EIPR1: variants seen among roughly 807,000 people sequenced by gnomAD.
EIPR1 encodes the protein EARP complex and GARP complex interacting protein 1.
A neutral mutation model predicts 48.1 loss-of-function variants in EIPR1; 25 were observed. The observed-to-expected ratio is 0.52, with a 90% CI of 0.38 to 0.73. The LOEUF (loss-of-function observed/expected upper bound fraction) is 0.73. EIPR1 is among the 30% of genes least tolerant of loss of function. The pLI is 0.00. For synonymous variants in EIPR1, 204 were observed against 201.9 expected, an observed-to-expected ratio of 1.01 and a Z score of -0.09; for missense variants, 415 against 506.2, an observed-to-expected ratio of 0.82 and a Z score of 1.73.
chr2:3,243,925 G>A (rs1307691440), intron 4 of EIPR1, among the ~76,000 whole-genome samples: 1 of 152,224 alleles, frequency 6.6e-6, no homozygotes, highest in East Asian at 1.9e-4. Context: ...CCCACAGAGG[G>A]TTGGAGGAGC....
chr2:3,351,111 A>C (rs772173704), intron 2 of EIPR1, among the ~76,000 whole-genome samples: 9 of 151,452 alleles, frequency 5.9e-5, no homozygotes, highest in East Asian at 2.0e-4. Context: ...AGTGATTCTC[A>C]TGCCTCAGCC....
intron 4 of EIPR1, among the ~76,000 whole-genome samples, chr2:3,222,371 A>C (rs1665923698): frequency 6.6e-6 from 1 of 152,252 alleles, no homozygotes; most frequent in Admixed American, 6.5e-5. Flanking sequence ...CTCTATGAAA[A>C]AGCTCATATT....
rs1249971128 is a variant in EIPR1, at chr2:3,287,045, G to A, written c.260-29590C>T. On this transcript the variant is annotated intron_variant, in intron 3 of 8. Transcript: ENST00000382125. The stretch of plus-strand genomic sequence containing the variant: ...ACACAGAGTGCCAGCCGGCAGAGGC[G>A]GCGGTGGGGAGCACACAGAGTACCA... Among the ~76,000 whole-genome samples the A allele has an allele frequency of 2.6e-5, 4 of 151,202 alleles. 1 individual carries two copies. Among genetic ancestry groups the A allele is most frequent in the Non-Finnish European group, 5.9e-5 (4 of 67,808 alleles).
intron 6 of EIPR1, 105 bp from the exon 7 acceptor site, chr2:3,194,271 C>A: frequency 2.1e-6 from 3 of 1,427,446 alleles, no homozygotes; most frequent in Non-Finnish European, 2.9e-6. Flanking sequence ...TCTAATCCCC[C>A]GGCCCAGGGT....
Position 3,189,594 on chromosome 2 carries a change from C to T in EIPR1, c.990-86G>A, listed in dbSNP as rs111267562. 2.2e-3 allele frequency: 2,758 copies of T among 1,271,450 alleles called. 45 individuals carry two copies. The African/African-American group carries it at 0.037, about 17-fold the overall frequency. The allele number at this position is 1,271,450 out of a possible 1,614,324, so 78.8% of individuals were successfully genotyped here. ...GCAGGGAGGACGCGAGCGCTGACAT[C>T]GGGAGACACGGGAGGTACTGGGGCC... On this transcript the variant is annotated intron_variant, in intron 8 of 8. Coordinates refer to ENST00000382125, the MANE Select transcript of EIPR1 (RefSeq NM_003310.5). This position sits in a 1 kb window ranked among gnomAD's most constrained non-coding sequence, Gnocchi z 4.6.
At chr2:3,231,188 T>C (rs753411573) in intron 4 of EIPR1, among the ~76,000 whole-genome samples, 3 of 152,260 alleles carry the variant, frequency 2.0e-5, no homozygotes, top group African/African-American at 7.2e-5. Flanking sequence ...GATTCTTGTA[T>C]GCAGATTTTG....
intron 6 of EIPR1, 22 bp downstream of exon 6, chr2:3,196,859 T>C (rs2103108622): frequency 6.2e-7 from 1 of 1,611,268 alleles, no homozygotes; most frequent in Non-Finnish European, 8.5e-7. Flanking sequence ...AAGTGGGGCC[T>C]GCGCCGGGTG....
At chr2:3,298,779 C>T (rs1416761494) in intron 3 of EIPR1, among the ~76,000 whole-genome samples, 2 of 152,184 alleles carry the variant, frequency 1.3e-5, no homozygotes, top group East Asian at 3.9e-4. Flanking sequence ...CAACCACACT[C>T]TATCCAACCA....
intron 2 of EIPR1, among the ~76,000 whole-genome samples, chr2:3,350,149 CTGATA>C (rs1447085015): frequency 7.2e-6 from 1 of 138,862 alleles, no homozygotes; most frequent in African/African-American, 2.6e-5. Flanking sequence ...AAAAAACTAC[CTGATA>C]CTGGGTAGTT....
intron 3 of EIPR1, among the ~76,000 whole-genome samples, chr2:3,329,402 G>A (rs1669818491): frequency 7.0e-6 from 1 of 142,958 alleles, no homozygotes; most frequent in African/African-American, 2.7e-5. Flanking sequence ...ACACTCTAAT[G>A]ATCTCGGGGT....
chr2:3,366,923 C>T (rs1466151209), intron 1 of EIPR1, among the ~76,000 whole-genome samples: 1 of 151,906 alleles, frequency 6.6e-6, no homozygotes, highest in Non-Finnish European at 1.5e-5. Context: ...TGTGGTGGCA[C>T]ACACCCAGCT....
intron 4 of EIPR1, among the ~76,000 whole-genome samples, chr2:3,227,057 G>T (rs780871239): frequency 1.3e-4 from 20 of 152,134 alleles, no homozygotes; most frequent in Non-Finnish European, 2.5e-4. Context: ...ACGGTAAATT[G>T]GTACTGCAGA....
At chr2:3,351,998 C>T (rs953923219) in intron 2 of EIPR1, among the ~76,000 whole-genome samples, 9 of 148,486 alleles carry the variant, frequency 6.1e-5, no homozygotes, top group South Asian at 2.1e-4. Flanking sequence ...GCTACAGAAG[C>T]TACCTGCCCC....
At position 3,364,364 on chromosome 2, in the gene EIPR1, T is replaced by G. The variant is rs1670923851; in HGVS notation, c.43-9731A>C. On this transcript the variant is annotated intron_variant, in intron 1 of 8. Transcript: ENST00000382125. ...GAATAAAATTGCCATGGACAGTGGCTCATGCCTATAATCCCCGCACTTTGG... is the reference window on the plus strand; with the variant it reads ...GAATAAAATTGCCATGGACAGTGGCGCATGCCTATAATCCCCGCACTTTGG... Among the ~76,000 whole-genome samples, 5 of 152,286 alleles carry G rather than the reference T, an allele frequency of 3.3e-5. No homozygotes were observed. In the South Asian group the frequency reaches 8.3e-4, roughly 25 times the overall value.
intron 3 of EIPR1, among the ~76,000 whole-genome samples, chr2:3,309,908 AG>A (rs1241381476): frequency 6.6e-6 from 1 of 152,134 alleles, no homozygotes; most frequent in Non-Finnish European, 1.5e-5. Context: ...TTCTCCCTGC[AG>A]GCTCTGGCAG....
At chr2:3,347,124 C>T (rs559491340) in intron 2 of EIPR1, among the ~76,000 whole-genome samples, 1 of 152,258 alleles carries the variant, frequency 6.6e-6, no homozygotes, top group Non-Finnish European at 1.5e-5. Context: ...TGGAAGCTTC[C>T]TGAGGCCGTC....
chr2:3,314,662 A>G (rs1669230517), intron 3 of EIPR1, among the ~76,000 whole-genome samples: 1 of 151,284 alleles, frequency 6.6e-6, no homozygotes, highest in African/African-American at 2.4e-5. Flanking sequence ...TCCCCTCCCA[A>G]TCCCCCTGGG....
At chr2:3,302,939 G>A (rs1668804592) in intron 3 of EIPR1, among the ~76,000 whole-genome samples, 1 of 152,238 alleles carries the variant, frequency 6.6e-6, no homozygotes, top group Non-Finnish European at 1.5e-5. Context: ...GGCCTGGGCA[G>A]CCACAGCAGG....
intron 3 of EIPR1, among the ~76,000 whole-genome samples, chr2:3,283,554 C>A (rs1402316452): frequency 1.3e-5 from 2 of 152,176 alleles, no homozygotes; most frequent in African/African-American, 4.8e-5. Flanking sequence ...GCACACTGGC[C>A]AAAACTCGCC....
Sources: allele counts gnomAD v4.1 joint callset (sites outside exome capture counted in the v4.1 genomes callset), GRCh38; gene constraint gnomAD v4.1.1; non-coding constraint Gnocchi (gnomAD v3.1); transcripts MANE v1.5; gene names NCBI Gene and HGNC (gene_info 2026-07-23, HGNC 2026-07-21).